ACSM6: variants seen among roughly 807,000 people sequenced by gnomAD.
ACSM6 encodes acyl-CoA synthetase medium chain family member 6.
ACSM6 carries 35 observed loss-of-function variants against 51.1 expected under a neutral mutation model. The observed-to-expected ratio is 0.69, with a 90% CI of 0.52 to 0.91. The LOEUF (loss-of-function observed/expected upper bound fraction) is 0.91. Ranked by LOEUF, ACSM6 falls within the 40% of genes least tolerant of loss-of-function variation. ACSM6 has a pLI of 0.00. For missense variants in ACSM6, 509 were observed against 584.1 expected, an observed-to-expected ratio of 0.87 and a Z score of 1.32; for synonymous variants, 172 against 207.3, an observed-to-expected ratio of 0.83 and a Z score of 1.46.
chr10:95,210,793 G>A, exon 5 of ACSM6: 1 of 1,613,496 alleles, frequency 6.2e-7, no homozygotes, highest in African/African-American at 1.3e-5. Context: ...CAGGCTTCCA[G>A]GTACGGTTCT....
At chr10:95,221,842 C>T (rs1173915739) in intron 9 of ACSM6, among the ~76,000 whole-genome samples, 1 of 152,152 alleles carries the variant, frequency 6.6e-6, no homozygotes, top group Non-Finnish European at 1.5e-5. Context: ...TCAAAAGACA[C>T]AGCAAAAGCA....
intron 4 of ACSM6, among the ~76,000 whole-genome samples, chr10:95,208,659 T>C (rs1409210652): frequency 2.6e-5 from 4 of 152,210 alleles, no homozygotes; most frequent in Admixed American, 2.6e-4. Context: ...GAGATCACAT[T>C]TGCATAACTT....
intron 4 of ACSM6, among the ~76,000 whole-genome samples, chr10:95,207,974 C>T (rs1239330603): frequency 2.0e-5 from 3 of 151,926 alleles, no homozygotes; most frequent in Non-Finnish European, 4.4e-5. Flanking sequence ...AACCCCGTCT[C>T]TACTAAAAGT....
At chr10:95,221,061 G>A (rs575057053) in intron 9 of ACSM6, among the ~76,000 whole-genome samples, 1 of 151,952 alleles carries the variant, frequency 6.6e-6, no homozygotes, top group Non-Finnish European at 1.5e-5. Context: ...AAATTAAAAT[G>A]TTCCTTGCAT....
At chr10:95,198,945 T>C (rs1259443756) in intron 2 of ACSM6, among the ~76,000 whole-genome samples, 7 of 152,090 alleles carry the variant, frequency 4.6e-5, no homozygotes, top group Admixed American at 4.6e-4. Flanking sequence ...ATTTATAGAA[T>C]CAATACCATC....
intron 10 of ACSM6, among the ~76,000 whole-genome samples, chr10:95,227,005 G>A (rs1242041749): frequency 9.6e-6 from 1 of 104,254 alleles, no homozygotes; most frequent in Non-Finnish European, 2.0e-5. Flanking sequence ...TTTTTTTTTT[G>A]AAACAGGGTC....
chr10:95,214,804 G>A (rs1433943182), intron 7 of ACSM6, 48 bp from the exon 8 acceptor site: 2 of 1,537,840 alleles, frequency 1.3e-6, no homozygotes, highest in Non-Finnish European at 8.8e-7. Context: ...ACCTGTTATT[G>A]GTAGAAATAT....
chr10:95,226,722 A>G (rs905607412), intron 10 of ACSM6, among the ~76,000 whole-genome samples: 1 of 152,214 alleles, frequency 6.6e-6, no homozygotes, highest in Admixed American at 6.5e-5. Flanking sequence ...CTTTTAAAAT[A>G]TTTATTTAGC....
intron 7 of ACSM6, 147 bp downstream of exon 7, chr10:95,213,087 G>A (rs2034910997): frequency 1.7e-6 from 1 of 574,970 alleles, no homozygotes; most frequent in African/African-American, 1.9e-5. Flanking sequence ...AACTCCATTA[G>A]TGTGTGTGAT....
exon 11 of ACSM6, chr10:95,228,854 C>A: frequency 2.2e-6 from 3 of 1,337,976 alleles, no homozygotes; most frequent in South Asian, 1.9e-5. Flanking sequence ...GCTTCCAATA[C>A]GTAGGAATTA....
intron 2 of ACSM6, among the ~76,000 whole-genome samples, chr10:95,198,764 G>C (rs188047688): frequency 3.3e-5 from 5 of 152,304 alleles, no homozygotes; most frequent in South Asian, 2.1e-4. Context: ...TGGCAGGGGA[G>C]AGATATAGTT....
chr10:95,198,689 A>C (rs143991667), intron 2 of ACSM6, among the ~76,000 whole-genome samples: 1 of 152,322 alleles, frequency 6.6e-6, no homozygotes, highest in East Asian at 1.9e-4. Flanking sequence ...ACATAAATAA[A>C]ATTATCTCTG....
intron 3 of ACSM6, among the ~76,000 whole-genome samples, chr10:95,202,692 G>A (rs1342525807): frequency 6.6e-6 from 1 of 151,998 alleles, no homozygotes; most frequent in Non-Finnish European, 1.5e-5. Flanking sequence ...GGGAGGCCAA[G>A]GCAGGCAGAT....
chr10:95,224,631 C>G (rs1209289678), intron 9 of ACSM6, among the ~76,000 whole-genome samples: 1 of 152,126 alleles, frequency 6.6e-6, no homozygotes, highest in Non-Finnish European at 1.5e-5. Flanking sequence ...AACTCCCGAC[C>G]TCAGGTGATC....
chr10:95,210,524 A>T, intron 4 of ACSM6, 126 bp from the exon 5 acceptor site: 2 of 971,658 alleles, frequency 2.1e-6, no homozygotes, highest in Non-Finnish European at 2.9e-6. Flanking sequence ...CTAACAAATA[A>T]TCCTCAAATA....
At position 95,210,706 on chromosome 10, in the gene ACSM6, T is replaced by C. The variant is rs112117118; in HGVS notation, c.668T>C (p.Ile223Thr). The C allele has an allele frequency of 2.2e-4, 359 of 1,613,930 alleles. 1 individual carries two copies. The African/African-American group carries it at 3.6e-3, about 16-fold the overall frequency. ...ACCAAAAGCCAAGATCCAATGGCCA[T>C]ATTCTTCACCAAGGGTACAACAGGA... Residue 223 changes from isoleucine to threonine, a missense_variant, in exon 5 of 11, where the codon ATA (isoleucine) becomes ACA (threonine). Coordinates refer to ENST00000341686, the Ensembl canonical transcript of ACSM6.
chr10:95,228,901 TA>T (rs1214971773), exon 11 of ACSM6: 3 of 1,097,884 alleles, frequency 2.7e-6, no homozygotes, highest in Non-Finnish European at 3.6e-6. Context: ...CAACCAAAAA[TA>T]AAAAAATAAA....
Position 95,201,965 on chromosome 10 carries a change from T to A in ACSM6, c.193-20T>A. 1 of 1,547,044 alleles carries A rather than the reference T, an allele frequency of 6.5e-7. No homozygotes were observed. Among genetic ancestry groups the A allele is most frequent in the Non-Finnish European group, 8.7e-7 (1 of 1,143,614 alleles). On this transcript the variant is annotated intron_variant, in intron 2 of 10. Coordinates refer to ENST00000341686, the Ensembl canonical transcript of ACSM6. ...GTCCATGCTGACTAATATTCATATT[T>A]TAAACATCACCCTGCCTAGGACGGA... is the stretch of plus-strand genomic sequence containing the variant.
intron 8 of ACSM6, among the ~76,000 whole-genome samples, chr10:95,215,809 G>A (rs1024693378): frequency 2.0e-5 from 3 of 152,280 alleles, no homozygotes; most frequent in South Asian, 2.1e-4. Context: ...CAGAAAGGCC[G>A]GGTTTTAGGA....
Sources: allele counts gnomAD v4.1 joint callset (sites outside exome capture counted in the v4.1 genomes callset), GRCh38; gene constraint gnomAD v4.1.1; transcripts MANE v1.5; gene names NCBI Gene and HGNC (gene_info 2026-07-23, HGNC 2026-07-21).